COQ10B: variants seen among roughly 807,000 people sequenced by gnomAD.
COQ10B encodes the protein coenzyme Q10B.
In COQ10B, 12 loss-of-function variants were observed where a neutral mutation model predicts 27.6. That is an observed-to-expected ratio of 0.43 (90% CI 0.28 to 0.70). The LOEUF (loss-of-function observed/expected upper bound fraction) is 0.70, where lower values mean the gene tolerates loss of function less well. Among genes scored for constraint, COQ10B ranks in the 30% least tolerant of loss-of-function variants. The pLI, the probability that COQ10B is intolerant of heterozygous loss-of-function variation, is 0.17. For synonymous variants in COQ10B, 115 were observed against 103.0 expected, an observed-to-expected ratio of 1.12 and a Z score of -0.71; for missense variants, 278 against 288.7, an observed-to-expected ratio of 0.96 and a Z score of 0.27.
At chr2:197,460,229 T>C (rs2085742668) in intron 2 of COQ10B, 148 bp downstream of exon 2, 2 of 507,582 alleles carry the variant, frequency 3.9e-6, no homozygotes, top group Admixed American at 4.3e-5. Context: ...TTTTTTTTCT[T>C]TTGAGATGGA....
intron 1 of COQ10B, chr2:197,454,295 G>C (rs2085672146): frequency 1.7e-6 from 1 of 595,514 alleles, no homozygotes; most frequent in Admixed American, 3.3e-5. Context: ...GTCGGGACAC[G>C]GATACCATAC....
chr2:197,457,247 G>T (rs961630805), intron 1 of COQ10B, among the ~76,000 whole-genome samples: 1 of 152,172 alleles, frequency 6.6e-6, no homozygotes, highest in Non-Finnish European at 1.5e-5. Flanking sequence ...TGGCCTGGGC[G>T]TTGGGGATCC....
intron 4 of COQ10B, among the ~76,000 whole-genome samples, chr2:197,473,294 C>T (rs2085897857): frequency 6.7e-6 from 1 of 149,738 alleles, no homozygotes; most frequent in African/African-American, 2.5e-5. Context: ...GGCTCATGCC[C>T]ATAATCCCAA....
In COQ10B at chr2:197,470,700, G is replaced by A. The variant is rs182892157; in HGVS notation, c.549+529G>A. ...ACCTGAGGTCAGGAGTTCGAGACCA[G>A]CCTGACCAATATCATGAAACCCCGT... is the stretch of plus-strand genomic sequence containing the variant. On this transcript the variant is annotated intron_variant, in intron 4 of 4. Coordinates refer to ENST00000263960, the MANE Select transcript of COQ10B (RefSeq NM_025147.5). Among the ~76,000 whole-genome samples, 20 of 152,282 alleles carry A rather than the reference G, an allele frequency of 1.3e-4. No homozygotes were observed. In the Middle Eastern group the frequency reaches 0.01, roughly 78 times the overall value.
intron 1 of COQ10B, among the ~76,000 whole-genome samples, chr2:197,459,252 G>A (rs949966037): frequency 1.3e-5 from 2 of 152,112 alleles, no homozygotes; most frequent in African/African-American, 4.8e-5. Flanking sequence ...TTGCAACCTC[G>A]AAGTGCTGTA....
At chr2:197,473,413 A>ATATAT (rs1272008900) in intron 4 of COQ10B, among the ~76,000 whole-genome samples, 297 of 58,410 alleles carry the variant, frequency 5.1e-3, no homozygotes, top group Non-Finnish European at 8.4e-3. Flanking sequence ...AAAAAAAAAA[A>ATATAT]AAATATATAT....
At chr2:197,456,930 C>T (rs1489803118) in intron 1 of COQ10B, among the ~76,000 whole-genome samples, 8 of 150,866 alleles carry the variant, frequency 5.3e-5, no homozygotes, top group Admixed American at 2.0e-4. Context: ...TCTGTACCCG[C>T]GATTTCCCAA....
At chr2:197,457,869 A>G (rs1345712582) in intron 1 of COQ10B, among the ~76,000 whole-genome samples, 1 of 151,972 alleles carries the variant, frequency 6.6e-6, no homozygotes, top group African/African-American at 2.4e-5. Flanking sequence ...TGATCCGCCT[A>G]CCTCAGCCTC....
At chr2:197,458,828 C>CT (rs1291747607) in intron 1 of COQ10B, among the ~76,000 whole-genome samples, 1 of 151,934 alleles carries the variant, frequency 6.6e-6, no homozygotes, top group East Asian at 1.9e-4. Context: ...CTACAGGCGC[C>CT]TGCCACCACA....
intron 4 of COQ10B, among the ~76,000 whole-genome samples, chr2:197,473,365 G>A (rs1295319148): frequency 4.5e-5 from 6 of 134,022 alleles, no homozygotes; most frequent in Admixed American, 8.2e-5. Context: ...ATCAGCCTGG[G>A]CAACATGGCA....
At chr2:197,469,559 G>A (rs2085859003) in intron 3 of COQ10B, among the ~76,000 whole-genome samples, 1 of 152,198 alleles carries the variant, frequency 6.6e-6, no homozygotes, top group Admixed American at 6.5e-5. Flanking sequence ...AGGCCTCTAG[G>A]AATAAGGAGC....
At chr2:197,461,539 T>TA (rs2085757292) in intron 2 of COQ10B, among the ~76,000 whole-genome samples, 1 of 148,238 alleles carries the variant, frequency 6.7e-6, no homozygotes, top group South Asian at 2.1e-4. Flanking sequence ...AAATGGCAAC[T>TA]AAAAAAATAC....
intron 1 of COQ10B, among the ~76,000 whole-genome samples, chr2:197,458,635 T>C (rs1033149515): frequency 5.3e-5 from 8 of 152,060 alleles, no homozygotes; most frequent in Non-Finnish European, 1.0e-4. Flanking sequence ...AAATGACTAG[T>C]AGTGTCAAAT....
intron 3 of COQ10B, 51 bp downstream of exon 3, chr2:197,462,782 TTG>T: frequency 8.8e-7 from 1 of 1,135,202 alleles, no homozygotes; most frequent in South Asian, 1.7e-5. Context: ...TATATTAACT[TTG>T]TCAAATGAGT....
At chr2:197,455,932 G>A (rs762761952) in intron 1 of COQ10B, among the ~76,000 whole-genome samples, 5 of 152,104 alleles carry the variant, frequency 3.3e-5, no homozygotes, top group Middle Eastern at 3.4e-3. Context: ...GCACTCCAGC[G>A]TGGGTGATGG....
At chr2:197,465,326 G>A (rs924142575) in intron 3 of COQ10B, among the ~76,000 whole-genome samples, 1 of 137,944 alleles carries the variant, frequency 7.2e-6, no homozygotes, top group Non-Finnish European at 1.5e-5. Context: ...GTCTTGCTCT[G>A]TTGCCCAGGC....
chr2:197,473,439 T>TACAC (rs1210596015), intron 4 of COQ10B, among the ~76,000 whole-genome samples: 2 of 99,924 alleles, frequency 2.0e-5, no homozygotes, highest in Non-Finnish European at 3.8e-5. Flanking sequence ...TATATATATA[T>TACAC]ATACACATAT....
At chr2:197,464,875 CTTTT>C (rs200668143) in intron 3 of COQ10B, among the ~76,000 whole-genome samples, 9 of 138,552 alleles carry the variant, frequency 6.5e-5, no homozygotes, top group Admixed American at 5.1e-4. Context: ...GAACTTAAAT[CTTTT>C]TTTTTTTTTT....
At chr2:197,463,981 A>G (rs2085793334) in intron 3 of COQ10B, among the ~76,000 whole-genome samples, 1 of 87,806 alleles carries the variant, frequency 1.1e-5, no homozygotes, top group Non-Finnish European at 2.2e-5. Flanking sequence ...ATATATATAT[A>G]TATATATATA....
Sources: allele counts gnomAD v4.1 joint callset (sites outside exome capture counted in the v4.1 genomes callset), GRCh38; gene constraint gnomAD v4.1.1; transcripts MANE v1.5; gene names NCBI Gene and HGNC (gene_info 2026-07-23, HGNC 2026-07-21).